SNX16: variants seen among roughly 807,000 people sequenced by gnomAD.
SNX16 encodes sorting nexin-16.
In SNX16, 35 loss-of-function variants were observed where a neutral mutation model predicts 36.7. That is an observed-to-expected ratio of 0.95 (90% CI 0.73 to 1.27). The LOEUF is 1.27. Among genes scored for constraint, SNX16 ranks in the 50% most tolerant of loss-of-function variants. SNX16 has a pLI of 0.00. For synonymous variants in SNX16, 134 were observed against 132.0 expected (o/e 1.02, Z -0.10); for missense variants, 367 against 393.6 (o/e 0.93, Z 0.57).
chr8:81,812,923 G>A (rs982700217), intron 5 of SNX16, among the ~76,000 whole-genome samples: 1 of 151,882 alleles, frequency 6.6e-6, no homozygotes, highest in Non-Finnish European at 1.5e-5. Flanking sequence ...ATATTTCACT[G>A]AAATATAATA....
At chr8:81,828,502 G>A (rs7838004) in intron 3 of SNX16, among the ~76,000 whole-genome samples, 1,613 of 152,102 alleles carry the variant, frequency 0.011, 29 homozygotes, top group African/African-American at 0.037. Context: ...AGTTTTAAGG[G>A]TTCTTAATAC....
At chr8:81,822,941 CATATACATATATATATATAT>C (rs1563445233) in intron 4 of SNX16, among the ~76,000 whole-genome samples, 1 of 50,532 alleles carries the variant, frequency 2.0e-5, no homozygotes, top group African/African-American at 1.2e-4. Context: ...TATATATATA[CATATACATATATATATATAT>C]ATATATATAT....
chr8:81,807,322 C>T (rs1015272843), intron 5 of SNX16, among the ~76,000 whole-genome samples: 1 of 151,602 alleles, frequency 6.6e-6, no homozygotes, highest in African/African-American at 2.4e-5. Flanking sequence ...AGTTCAAGAC[C>T]AGTCTGGCCA....
intron 2 of SNX16, among the ~76,000 whole-genome samples, chr8:81,832,977 C>T (rs1563453566): frequency 6.6e-6 from 1 of 151,626 alleles, no homozygotes; most frequent in African/African-American, 2.4e-5. Flanking sequence ...GGCAATTGAG[C>T]ACTCAATGTG....
chr8:81,828,123 C>T (rs970506317), intron 3 of SNX16, among the ~76,000 whole-genome samples: 17 of 152,104 alleles, frequency 1.1e-4, no homozygotes, highest in Non-Finnish European at 2.5e-4. Flanking sequence ...CTTTTAACTA[C>T]TAAAAGCAAA....
At chr8:81,832,344 A>G (rs1351781237) in intron 2 of SNX16, among the ~76,000 whole-genome samples, 3 of 152,202 alleles carry the variant, frequency 2.0e-5, no homozygotes, top group African/African-American at 2.4e-5. Flanking sequence ...GTTCTCACTT[A>G]TAAGTGGGAG....
intron 2 of SNX16, among the ~76,000 whole-genome samples, chr8:81,831,383 A>G (rs1445958081): frequency 6.6e-6 from 1 of 152,214 alleles, no homozygotes; most frequent in African/African-American, 2.4e-5. Flanking sequence ...TCTAATATCC[A>G]GAATCCATAA....
intron 3 of SNX16, among the ~76,000 whole-genome samples, chr8:81,828,527 T>C (rs757905970): frequency 5.3e-5 from 8 of 152,234 alleles, no homozygotes; most frequent in Non-Finnish European, 8.8e-5. Context: ...AGGTTTATTA[T>C]TCTTCTGTTT....
Position 81,816,181 on chromosome 8 carries a change from C to CTTTCT in SNX16, c.612-788_612-787insAGAAA, listed in dbSNP as rs1554545063. 3.2e-3 allele frequency among the ~76,000 whole-genome samples: 446 copies of CTTTCT among 137,804 alleles called. 2 individuals carry two copies. Among genetic ancestry groups the CTTTCT allele is most frequent in the African/African-American group, 0.011 (424 of 37,550 alleles). The allele number at this position is 137,804 out of a possible 152,430, so 90.4% of individuals were successfully genotyped here. On this transcript the variant is annotated intron_variant, in intron 4 of 7. Coordinates refer to ENST00000345957, the MANE Select transcript of SNX16 (RefSeq NM_152836.3). ...CAAATTTCCTTTTACAAAGGATTTT[C>CTTTCT]TTTTTTTTTTTTTTTAAGACGAGTC...
At chr8:81,818,443 A>G (rs997914984) in intron 4 of SNX16, among the ~76,000 whole-genome samples, 4 of 152,118 alleles carry the variant, frequency 2.6e-5, no homozygotes, top group Non-Finnish European at 5.9e-5. Context: ...TTCTTGTTCA[A>G]GTAGAGAATT....
rs1220051052 is a variant in SNX16, at chr8:81,803,153, A to T, written c.757T>A (p.Ser253Thr). Residue 253 changes from serine to threonine, a missense_variant, in exon 6 of 8, where the codon TCA becomes ACA. Coordinates refer to ENST00000345957, the MANE Select transcript of SNX16 (RefSeq NM_152836.3). ...TTCTCACTGAGCAGTTTCTTTAGTG[A>T]TTCCATCTCCTTTTGTTTTTCAAGT... ...ELLEKQKEME[S>T]LKKLLSEKQL... is the part of the protein sequence containing the mutation. 6.2e-7 allele frequency: 1 copy of T among 1,612,138 alleles called. No individual in the cohort carries two copies. Among genetic ancestry groups the T allele is most frequent in the African/African-American group, 1.3e-5 (1 of 74,836 alleles).
At chr8:81,838,296 T>C (rs1471487752) in intron 2 of SNX16, among the ~76,000 whole-genome samples, 1 of 152,094 alleles carries the variant, frequency 6.6e-6, no homozygotes, top group African/African-American at 2.4e-5. Context: ...TCTCCCCAGA[T>C]TAATCTATAG....
intron 4 of SNX16, among the ~76,000 whole-genome samples, chr8:81,817,352 G>A (rs922492789): frequency 1.3e-5 from 2 of 152,184 alleles, no homozygotes; most frequent in Non-Finnish European, 2.9e-5. Flanking sequence ...TTGGTTTACA[G>A]TAGAAATTTA....
intron 4 of SNX16, among the ~76,000 whole-genome samples, chr8:81,817,440 C>T (rs1390181505): frequency 6.6e-6 from 1 of 152,108 alleles, no homozygotes; most frequent in East Asian, 1.9e-4. Flanking sequence ...TTTCATTCAC[C>T]TTCCCTAAAA....
chr8:81,828,122 A>G (rs1811093136), intron 3 of SNX16, among the ~76,000 whole-genome samples: 1 of 152,174 alleles, frequency 6.6e-6, no homozygotes, highest in Admixed American at 6.5e-5. Flanking sequence ...ACTTTTAACT[A>G]CTAAAAGCAA....
At chr8:81,817,048 C>T (rs2130670422) in intron 4 of SNX16, among the ~76,000 whole-genome samples, 1 of 152,270 alleles carries the variant, frequency 6.6e-6, no homozygotes, top group South Asian at 2.1e-4. Flanking sequence ...CCTGCTATTA[C>T]ATACAAATGA....
At chr8:81,832,779 AATCT>A (rs1811326100) in intron 2 of SNX16, among the ~76,000 whole-genome samples, 2 of 150,956 alleles carry the variant, frequency 1.3e-5, no homozygotes, top group Non-Finnish European at 2.9e-5. Context: ...TTTATGATAG[AATCT>A]CAGAGAAGCA....
At chr8:81,807,761 T>A (rs946726608) in intron 5 of SNX16, 6 of 683,570 alleles carry the variant, frequency 8.8e-6, no homozygotes, top group Non-Finnish European at 1.6e-5. Context: ...GTCTCTCTTC[T>A]CCCTGCTGTC....
chr8:81,830,723 C>T (rs996168442), intron 2 of SNX16, among the ~76,000 whole-genome samples: 4 of 151,700 alleles, frequency 2.6e-5, no homozygotes, highest in African/African-American at 9.7e-5. Context: ...GTATTCCTAT[C>T]GAACTACCAA....
Sources: gnomAD v4.1 joint callset for allele counts (sites outside exome capture counted in the v4.1 genomes callset) on GRCh38, gnomAD v4.1.1 for gene constraint, MANE v1.5 for transcripts, NCBI Gene and HGNC (gene_info 2026-07-23, HGNC 2026-07-21) for gene names.